Variants in SULF1 observed in about 807,000 individuals in gnomAD.
SULF1 encodes sulfatase 1, also known as extracellular sulfatase Sulf-1.
In SULF1, 46 loss-of-function variants were observed where a neutral mutation model predicts 110.5. The ratio of observed to expected loss-of-function variants is 0.42; its 90% confidence interval spans 0.33 to 0.53. The LOEUF is 0.53. SULF1 is among the 20% of genes least tolerant of loss of function. The pLI, the probability that SULF1 is intolerant of heterozygous loss-of-function variation, is 0.12. For missense variants in SULF1, 941 were observed against 1,094.2 expected, an observed-to-expected ratio of 0.86 and a Z score of 1.98; for synonymous variants, 371 against 387.1, an observed-to-expected ratio of 0.96 and a Z score of 0.49.
At chr8:69,570,815 T>A (rs894599768) in intron 5 of SULF1, among the ~76,000 whole-genome samples, 3 of 152,208 alleles carry the variant, frequency 2.0e-5, no homozygotes, top group Non-Finnish European at 4.4e-5. Flanking sequence ...TGTCACAGCA[T>A]CCGCCTGCAG....
Position 69,601,737 on chromosome 8 carries a change from G to A in SULF1, c.969G>A (p.Gln323=), listed in dbSNP as rs377634023. 1.2e-6 allele frequency: 2 copies of A among 1,613,926 alleles called. No homozygotes were observed. The highest frequency in any genetic ancestry group is 1.3e-5 in the African/African-American group (1 of 75,056). Residue 323 remains glutamine, a synonymous_variant, in exon 10 of 23, where the codon CAG becomes CAA. Transcript: ENST00000402687. ...YTADHGYHIG[Q]FGLVKGKSMP... Reference sequence around the variant, plus strand: ...CCGACCATGGTTACCATATTGGGCAGTTTGGACTGGTCAAGGGGAAATCCA... The same window carrying A: ...CCGACCATGGTTACCATATTGGGCAATTTGGACTGGTCAAGGGGAAATCCA...
In SULF1 at chr8:69,641,852, C is replaced by G. The variant is rs182491938; in HGVS notation, c.2585+1011C>G. ...CAACCCTCAGCCCTGTCATTTTATG[C>G]CCCTCCAACCCTCATCCATCCCTCA... On this transcript the variant is annotated intron_variant, in intron 22 of 22. Transcript: ENST00000402687. Among the ~76,000 whole-genome samples the G allele has an allele frequency of 1.8e-3, 268 of 152,236 alleles. 1 individual carries two copies. Among genetic ancestry groups the G allele is most frequent in the African/African-American group, 4.7e-3 (194 of 41,542 alleles).
chr8:69,587,322 C>G (rs1199175113), intron 7 of SULF1, among the ~76,000 whole-genome samples: 3 of 152,162 alleles, frequency 2.0e-5, no homozygotes, highest in African/African-American at 4.8e-5. Flanking sequence ...TATCTAGCAA[C>G]CTCTCCCAAC....
Position 69,565,553 on chromosome 8 carries a change from G to A in SULF1, c.172+1406G>A, listed in dbSNP as rs568676829. On this transcript the variant is annotated intron_variant, in intron 5 of 22. Transcript: ENST00000402687. ...CCCATCCATCGCTTTTGCTACAGCT[G>A]AGATCTCTGGATCCTCTCATCTTTC... is the stretch of plus-strand genomic sequence containing the variant. 2.0e-5 allele frequency among the ~76,000 whole-genome samples: 3 copies of A among 152,192 alleles called. No individual in the cohort carries two copies. The East Asian group carries it at 5.8e-4, about 30-fold the overall frequency.
upstream of SULF1, among the ~76,000 whole-genome samples, chr8:69,489,752 A>G (rs930151584): frequency 6.6e-6 from 1 of 150,840 alleles, no homozygotes; most frequent in Non-Finnish European, 1.5e-5. Flanking sequence ...AATTTCTTGT[A>G]TTTTCAGTAG....
At position 69,548,612 on chromosome 8, in the gene SULF1, T is replaced by C. The variant is rs1243420237; in HGVS notation, c.-133-14927T>C. ...ACAGGCATGCACCACCATGCCTCGC[T>C]GATTTTTTTTTTTTTTTTTTGTATT... is the stretch of plus-strand genomic sequence containing the variant. On this transcript the variant is annotated intron_variant, in intron 3 of 22. Transcript: ENST00000402687. 2.3e-5 allele frequency among the ~76,000 whole-genome samples: 3 copies of C among 130,334 alleles called. No homozygotes were observed. The Admixed American group carries it at 2.3e-4, about 10-fold the overall frequency. The allele number at this position is 130,334 out of a possible 152,430, so 85.5% of individuals were successfully genotyped here.
intron 3 of SULF1, among the ~76,000 whole-genome samples, chr8:69,534,848 G>A (rs1431018436): frequency 6.8e-6 from 1 of 147,260 alleles, no homozygotes; most frequent in Non-Finnish European, 1.5e-5. Context: ...CATTCATAAT[G>A]AATTAATACT....
At chr8:69,536,612 C>T (rs1175677760) in intron 3 of SULF1, among the ~76,000 whole-genome samples, 3 of 152,148 alleles carry the variant, frequency 2.0e-5, no homozygotes, top group African/African-American at 7.2e-5. Context: ...AAGTGGGCTG[C>T]ATTTTAAAAT....
chr8:69,502,799 T>TGCCTCAGCCTCCC (rs941065798), intron 3 of SULF1, among the ~76,000 whole-genome samples: 4 of 151,192 alleles, frequency 2.6e-5, no homozygotes, highest in African/African-American at 9.7e-5. Context: ...GCAATTCTCC[T>TGCCTCAGCCTCCC]GCCTCAGCCT....
rs555355435 is a variant in SULF1 at position 69,635,609 on chromosome 8, C to T, written c.2285-2893C>T. 1.2e-4 allele frequency among the ~76,000 whole-genome samples: 19 copies of T among 152,276 alleles called. No individual in the cohort carries two copies. In the South Asian group the frequency reaches 2.7e-3, roughly 22 times the overall value. On this transcript the variant is annotated intron_variant, in intron 19 of 22. Coordinates refer to ENST00000402687, the MANE Select transcript of SULF1 (RefSeq NM_001128205.2). ...ACTCTTGCCCGGGTGTGGTGGCTCA[C>T]GCCTGTAAGCCCAACACTTTGAGAG... is the stretch of plus-strand genomic sequence containing the variant.
Position 69,501,529 on chromosome 8 carries a change from C to T in SULF1, c.-228-345C>T, listed in dbSNP as rs139551944. On this transcript the variant is annotated intron_variant, in intron 2 of 22. Transcript: ENST00000402687. ...GGTCTCCCAACCTGAAATTAGACAG[C>T]ACTCAACCTTTAAACTTGGAACACT... Among the ~76,000 whole-genome samples, 409 of 152,320 alleles carry T rather than the reference C, an allele frequency of 2.7e-3. 1 individual carries two copies. The highest frequency in any genetic ancestry group is 3.9e-3 in the Admixed American group (59 of 15,294).
intron 3 of SULF1, among the ~76,000 whole-genome samples, chr8:69,559,030 C>T (rs775336503): frequency 6.6e-6 from 1 of 152,194 alleles, no homozygotes; most frequent in South Asian, 2.1e-4. Flanking sequence ...AGAAGGAAGT[C>T]GAATTCTTAT....
chr8:69,471,364 G>T (rs527302025), intron 1 of SULF1, among the ~76,000 whole-genome samples: 1 of 151,416 alleles, frequency 6.6e-6, no homozygotes, highest in South Asian at 2.1e-4. Context: ...CCATTCACTG[G>T]CTCCGGTAGC....
chr8:69,476,648 A>G (rs775691488), intron 1 of SULF1, among the ~76,000 whole-genome samples: 11 of 152,182 alleles, frequency 7.2e-5, no homozygotes, highest in Non-Finnish European at 1.3e-4. Context: ...GGCCTGTTCT[A>G]TGTTACCCAA....
chr8:69,612,086 G>C (rs543470858), intron 13 of SULF1, among the ~76,000 whole-genome samples: 6 of 152,060 alleles, frequency 3.9e-5, no homozygotes, highest in African/African-American at 1.4e-4. Context: ...ACTTGTAAGT[G>C]AGAAAATAAA....
chr8:69,471,684 G>A (rs1414825464), intron 1 of SULF1, among the ~76,000 whole-genome samples: 3 of 152,160 alleles, frequency 2.0e-5, no homozygotes, highest in East Asian at 3.9e-4. Context: ...CTTGGACAGC[G>A]AACTGACCCA....
At position 69,604,889 on chromosome 8, in the gene SULF1, G is replaced by T; in HGVS notation, c.1334G>T (p.Cys445Phe). The change falls in exon 13 of 23, where the codon TGC becomes TTC. Residue 445 changes from cysteine to phenylalanine, a missense_variant. Around this residue, in one of 3 missense-constraint regions of SULF1, gnomAD observed 822 missense variants for 934.3 expected, o/e 0.88. Transcript: ENST00000402687. ...AAATATGAACGGGTCAAAGAACTAT[G>T]CCAGCAGGCCAGGTACCAGACAGCC... is the stretch of plus-strand genomic sequence containing the variant. ...LPKYERVKEL[C>F]QQARYQTACE... 6.2e-7 allele frequency: 1 copy of T among 1,614,218 alleles called. No homozygotes were observed. Among genetic ancestry groups the T allele is most frequent in the Non-Finnish European group, 8.5e-7 (1 of 1,180,034 alleles).
At chr8:69,587,681 C>T (rs776107675) in intron 7 of SULF1, among the ~76,000 whole-genome samples, 22 of 152,142 alleles carry the variant, frequency 1.4e-4, no homozygotes, top group South Asian at 4.1e-4. Context: ...TGGTGCAGAC[C>T]ACGTGCACTA....
intron 1 of SULF1, among the ~76,000 whole-genome samples, chr8:69,485,583 A>G (rs150844427): frequency 3.4e-4 from 52 of 152,292 alleles, no homozygotes; most frequent in Non-Finnish European, 6.9e-4. Context: ...ATTCTGCAGA[A>G]TGAGGCTTTT....
Sources: allele counts gnomAD v4.1 joint callset (sites outside exome capture counted in the v4.1 genomes callset), GRCh38; gene constraint gnomAD v4.1.1; regional missense constraint gnomAD v4.1.1; transcripts MANE v1.5; gene names NCBI Gene and HGNC (gene_info 2026-07-23, HGNC 2026-07-21).